NELL1: variants seen among roughly 807,000 people sequenced by gnomAD.
The protein encoded by NELL1 is neural EGFL like 1.
Under a neutral mutation model 107.4 loss-of-function variants are expected in NELL1, and 76 were observed. The observed-to-expected ratio is 0.71, with a 90% CI of 0.59 to 0.86. The LOEUF is 0.86. Among genes scored for constraint, NELL1 ranks in the 40% least tolerant of loss-of-function variants. The pLI, the probability that NELL1 is intolerant of heterozygous loss-of-function variation, is 0.00. For synonymous variants in NELL1, 353 were observed against 341.2 expected (o/e 1.03, Z -0.38); for missense variants, 1,024 against 1,005.5 (o/e 1.02, Z -0.25).
At chr11:21,132,879 C>T (rs761708199) in intron 13 of NELL1, among the ~76,000 whole-genome samples, 4 of 152,118 alleles carry the variant, frequency 2.6e-5, no homozygotes, top group Non-Finnish European at 5.9e-5. Context: ...TTTCTTGTCC[C>T]GCATCCAGGA....
At chr11:20,874,636 C>T (rs1297676230) in intron 4 of NELL1, among the ~76,000 whole-genome samples, 3 of 152,152 alleles carry the variant, frequency 2.0e-5, no homozygotes, top group African/African-American at 7.2e-5. Flanking sequence ...CTCTCCATCT[C>T]TCTGAGTTTG....
chr11:20,885,588 C>T (rs757359408), intron 5 of NELL1, 48 bp downstream of exon 5: 5 of 1,146,168 alleles, frequency 4.4e-6, no homozygotes, highest in Non-Finnish European at 6.6e-6. Context: ...AGGCGATGCT[C>T]AGTTTTCTGT....
chr11:20,854,227 A>G (rs2134065361), intron 4 of NELL1, among the ~76,000 whole-genome samples: 1 of 152,324 alleles, frequency 6.6e-6, no homozygotes, highest in East Asian at 1.9e-4. Flanking sequence ...GAACTGAAAG[A>G]AATTGGTATT....
intron 14 of NELL1, among the ~76,000 whole-genome samples, chr11:21,299,017 G>T (rs1211070969): frequency 1.3e-5 from 2 of 151,850 alleles, no homozygotes; most frequent in Non-Finnish European, 2.9e-5. Flanking sequence ...TATACAGATT[G>T]GCAGATGCTT....
intron 2 of NELL1, among the ~76,000 whole-genome samples, chr11:20,730,491 C>T (rs530270345): frequency 8.5e-5 from 13 of 152,234 alleles, no homozygotes; most frequent in African/African-American, 3.1e-4. Flanking sequence ...AAAGCCAATA[C>T]CCAGAGAGGT....
intron 13 of NELL1, among the ~76,000 whole-genome samples, chr11:21,158,128 C>T (rs1238525835): frequency 1.3e-5 from 2 of 152,258 alleles, no homozygotes; most frequent in South Asian, 4.1e-4. Context: ...TAGATGCTTC[C>T]AGCCCTTGAA....
chr11:21,006,959 T>A (rs899815867), intron 12 of NELL1, among the ~76,000 whole-genome samples: 1 of 152,100 alleles, frequency 6.6e-6, no homozygotes, highest in African/African-American at 2.4e-5. Context: ...GAAGTTAACT[T>A]TGTATGGATA....
intron 15 of NELL1, chr11:21,503,980 A>T (rs1042437963): frequency 1.3e-5 from 2 of 152,200 alleles, no homozygotes; most frequent in African/African-American, 4.8e-5. Context: ...TCCCTTGTCC[A>T]GTGCTAGATC....
intron 12 of NELL1, among the ~76,000 whole-genome samples, chr11:20,968,137 C>A (rs981492084): frequency 6.6e-6 from 1 of 152,174 alleles, no homozygotes; most frequent in African/African-American, 2.4e-5. Flanking sequence ...TCAGTTACCC[C>A]CTATACCATT....
chr11:21,561,605 T>A (rs555747126), intron 17 of NELL1, among the ~76,000 whole-genome samples: 2 of 152,206 alleles, frequency 1.3e-5, no homozygotes, highest in Non-Finnish European at 2.9e-5. Context: ...GAACTCCACT[T>A]GCTTGGCTCA....
chr11:20,763,403 G>A lies in NELL1; in HGVS notation c.185-20277G>A, dbSNP rs192626661. 1.3e-3 allele frequency among the ~76,000 whole-genome samples: 197 copies of A among 152,250 alleles called. 1 individual carries two copies. Among genetic ancestry groups the A allele is most frequent in the Non-Finnish European group, 2.2e-4 (15 of 68,018 alleles). ...CACATGTGTTAATATTTGTTGTGTGGATTCTGGGATAGAAATATTCTCATT... is the reference window on the plus strand; with the variant it reads ...CACATGTGTTAATATTTGTTGTGTGAATTCTGGGATAGAAATATTCTCATT... On this transcript the variant is annotated intron_variant, in intron 2 of 19. Coordinates refer to ENST00000357134, the MANE Select transcript of NELL1 (RefSeq NM_006157.5).
intron 3 of NELL1, among the ~76,000 whole-genome samples, chr11:20,827,559 C>T (rs1857911088): frequency 6.6e-6 from 1 of 151,078 alleles, no homozygotes; most frequent in African/African-American, 2.4e-5. Context: ...TGTGGTATTC[C>T]AGGTGTTTCT....
rs139927966 is a variant in NELL1, at chr11:21,170,110, A to G, written c.1426+56396A>G. The G allele has an allele frequency of 3.2e-3, 2,574 of 792,414 alleles. 17 individuals carry two copies. Among genetic ancestry groups the G allele is most frequent in the Non-Finnish European group, 4.5e-3 (2,107 of 466,206 alleles). The allele number at this position is 792,414 out of a possible 1,614,324, so 49.1% of individuals were successfully genotyped here. ...TTGAACAAAAGGATGTGGAGGCAAA[A>G]CCACCCTTCAGGTCCACTTTGTTCC... is the stretch of plus-strand genomic sequence containing the variant. On this transcript the variant is annotated intron_variant, in intron 13 of 19. Coordinates refer to ENST00000357134, the MANE Select transcript of NELL1 (RefSeq NM_006157.5).
intron 15 of NELL1, among the ~76,000 whole-genome samples, chr11:21,418,514 C>T (rs1237868639): frequency 6.6e-6 from 1 of 151,878 alleles, no homozygotes; most frequent in African/African-American, 2.4e-5. Flanking sequence ...TGGCAGAGTT[C>T]CATTCATCAA....
chr11:21,339,343 A>G (rs1011801284), intron 14 of NELL1, among the ~76,000 whole-genome samples: 4 of 152,212 alleles, frequency 2.6e-5, no homozygotes, highest in Non-Finnish European at 5.9e-5. Flanking sequence ...CACCACTAGA[A>G]GCTAAGAAGA....
chr11:20,959,647 T>C (rs1038679368), intron 11 of NELL1, among the ~76,000 whole-genome samples: 1 of 152,092 alleles, frequency 6.6e-6, no homozygotes, highest in African/African-American at 2.4e-5. Context: ...AATGACATCA[T>C]AGACTTTAGG....
chr11:21,149,731 T>C (rs901309533), intron 13 of NELL1, among the ~76,000 whole-genome samples: 4 of 152,168 alleles, frequency 2.6e-5, no homozygotes, highest in Non-Finnish European at 5.9e-5. Context: ...ACTGGCCCAA[T>C]AGGCGTAAAT....
At chr11:21,303,629 A>G (rs980960061) in intron 14 of NELL1, among the ~76,000 whole-genome samples, 8 of 152,066 alleles carry the variant, frequency 5.3e-5, no homozygotes, top group Admixed American at 2.0e-4. Flanking sequence ...AACTAGAACT[A>G]CCATTCTATT....
intron 2 of NELL1, among the ~76,000 whole-genome samples, chr11:20,752,791 CACA>C (rs1856171907): frequency 6.6e-6 from 1 of 151,994 alleles, no homozygotes; most frequent in South Asian, 2.1e-4. Flanking sequence ...CTGGTGAGAC[CACA>C]ACATTACTTT....
Sources: gnomAD v4.1 joint callset for allele counts (sites outside exome capture counted in the v4.1 genomes callset) on GRCh38, gnomAD v4.1.1 for gene constraint, MANE v1.5 for transcripts, NCBI Gene and HGNC (gene_info 2026-07-23, HGNC 2026-07-21) for gene names.